Variants in SPOCK1 observed in about 807,000 individuals in gnomAD.
SPOCK1 encodes testican-1.
A neutral mutation model predicts 55.3 loss-of-function variants in SPOCK1; 23 were observed. That is an observed-to-expected ratio of 0.42 (90% CI 0.30 to 0.59). The LOEUF (loss-of-function observed/expected upper bound fraction) is 0.59. SPOCK1 is among the 20% of genes least tolerant of loss of function. The probability of loss-of-function intolerance (pLI) is 0.22; values close to 1 mark genes in which losing one functional copy is unlikely to be tolerated. For missense variants in SPOCK1, 499 were observed against 552.5 expected (o/e 0.90, Z 0.97); for synonymous variants, 226 against 221.0 (o/e 1.02, Z -0.20).
intron 3 of SPOCK1, among the ~76,000 whole-genome samples, chr5:137,168,072 T>C (rs944354703): frequency 6.6e-6 from 1 of 152,012 alleles, no homozygotes; most frequent in Non-Finnish European, 1.5e-5. Context: ...TGACAAACCT[T>C]TAGCCAGACT....
chr5:137,389,255 T>G (rs1260822173), intron 2 of SPOCK1, among the ~76,000 whole-genome samples: 1 of 152,222 alleles, frequency 6.6e-6, no homozygotes, highest in Non-Finnish European at 1.5e-5. Flanking sequence ...CAAGAACACC[T>G]TGTCCTGGTC....
chr5:137,399,101 A>T (rs1751920218), intron 2 of SPOCK1, among the ~76,000 whole-genome samples: 1 of 152,220 alleles, frequency 6.6e-6, no homozygotes, highest in African/African-American at 2.4e-5. Context: ...TATTATAATA[A>T]GCCTTTTATT....
intron 2 of SPOCK1, among the ~76,000 whole-genome samples, chr5:137,442,439 T>G (rs955371588): frequency 6.6e-6 from 1 of 152,176 alleles, no homozygotes; most frequent in Non-Finnish European, 1.5e-5. Flanking sequence ...GCTAACTTCC[T>G]TTAGTATTGT....
chr5:137,212,038 C>T lies in SPOCK1; in HGVS notation c.232+54972G>A, dbSNP rs1235365540. ...GCTGAGAAGAGGGTTATGGGAACCC[C>T]AATTTATAGCCAATCAGTCAGAAGC... On this transcript the variant is annotated intron_variant, in intron 3 of 10. Transcript: ENST00000394945. 2.6e-5 allele frequency among the ~76,000 whole-genome samples: 4 copies of T among 152,118 alleles called. No homozygotes were observed. In the South Asian group the frequency reaches 8.3e-4, roughly 32 times the overall value.
intron 4 of SPOCK1, among the ~76,000 whole-genome samples, chr5:137,132,716 C>CA (rs1212044551): frequency 3.3e-5 from 5 of 151,906 alleles, no homozygotes; most frequent in East Asian, 1.9e-4. Context: ...AAACATGGCT[C>CA]AAAAAAAAGA....
At chr5:137,087,026 T>C (rs1333046034) in intron 5 of SPOCK1, among the ~76,000 whole-genome samples, 1 of 152,204 alleles carries the variant, frequency 6.6e-6, no homozygotes, top group Non-Finnish European at 1.5e-5. Flanking sequence ...AATCAACTGC[T>C]CTTGTTATGT....
intron 2 of SPOCK1, among the ~76,000 whole-genome samples, chr5:137,322,671 A>G (rs932466241): frequency 1.3e-5 from 2 of 152,060 alleles, no homozygotes; most frequent in African/African-American, 4.8e-5. Context: ...CATAAGATAC[A>G]TAAATGAAAA....
chr5:137,303,113 C>G (rs529323393), intron 2 of SPOCK1, among the ~76,000 whole-genome samples: 19 of 152,212 alleles, frequency 1.2e-4, no homozygotes, highest in African/African-American at 4.1e-4. Context: ...TTAAAGTGTG[C>G]ACTTTTTTAA....
chr5:137,097,903 C>G (rs908454676), intron 5 of SPOCK1, among the ~76,000 whole-genome samples: 4 of 152,168 alleles, frequency 2.6e-5, no homozygotes, highest in Admixed American at 2.0e-4. Flanking sequence ...CCACCACCAT[C>G]GGGCAGAACA....
In SPOCK1 at chr5:137,399,419, C is replaced by T. The variant is rs141093784; in HGVS notation, c.186+98954G>A. Reference sequence around the variant, plus strand: ...TTGTAATTGCTTTATTGAGGTATGACTGACATACAAAAATCTGTCAGCGTT... The same window carrying T: ...TTGTAATTGCTTTATTGAGGTATGATTGACATACAAAAATCTGTCAGCGTT... On this transcript the variant is annotated intron_variant, in intron 2 of 10. Coordinates refer to ENST00000394945, the MANE Select transcript of SPOCK1 (RefSeq NM_004598.4). Among the ~76,000 whole-genome samples the T allele has an allele frequency of 3.0e-3, 455 of 151,898 alleles. 4 individuals are homozygous for T. The highest frequency in any genetic ancestry group is 0.01 in the African/African-American group (420 of 41,388).
intron 2 of SPOCK1, among the ~76,000 whole-genome samples, chr5:137,322,178 A>G (rs1230579670): frequency 6.6e-6 from 1 of 151,932 alleles, no homozygotes; most frequent in Non-Finnish European, 1.5e-5. Context: ...TAAAAAATAC[A>G]AAAATTAGCC....
rs1580932470 is a variant in SPOCK1 at position 137,447,625 on chromosome 5, CCA to C, written c.186+50746_186+50747del. On this transcript the variant is annotated intron_variant, in intron 2 of 10. Transcript: ENST00000394945. ...ATCATTCCCCCCCCCAATATATGAC[CCA>C]CACCACCACCATACCTACCACCTCT... 9.5e-3 allele frequency among the ~76,000 whole-genome samples: 11 copies of C among 1,162 alleles called. No homozygotes were observed. The Admixed American group carries it at 0.13, about 14-fold the overall frequency. 0.8% of individuals were successfully genotyped at this position (1,162 alleles called of 152,430 possible).
At chr5:137,184,575 C>T (rs1755029964) in intron 3 of SPOCK1, among the ~76,000 whole-genome samples, 1 of 152,140 alleles carries the variant, frequency 6.6e-6, no homozygotes, top group Non-Finnish European at 1.5e-5. Flanking sequence ...AAAATAAATA[C>T]CCATGTCCAT....
rs564515046 is a variant in SPOCK1 at position 137,109,482 on chromosome 5, T to C, written c.474+2953A>G. Among the ~76,000 whole-genome samples, 6 of 152,268 alleles carry C rather than the reference T, an allele frequency of 3.9e-5. No homozygotes were observed. The South Asian group carries it at 1.2e-3, about 32-fold the overall frequency. On this transcript the variant is annotated intron_variant, in intron 5 of 10. Transcript: ENST00000394945. ...AATGATGTTTTCTGAGCAGCCACTA[T>C]CTACTACACCCCATGCCTGAGCAGC...
intron 3 of SPOCK1, among the ~76,000 whole-genome samples, chr5:137,142,191 A>G (rs962566772): frequency 3.9e-5 from 6 of 152,208 alleles, no homozygotes; most frequent in African/African-American, 9.6e-5. Flanking sequence ...CAAAACTTCT[A>G]CAAGAAATGA....
chr5:137,477,756 A>C (rs896521312), intron 2 of SPOCK1, among the ~76,000 whole-genome samples: 1 of 149,996 alleles, frequency 6.7e-6, no homozygotes, highest in Non-Finnish European at 1.5e-5. Flanking sequence ...TAAGCTCCAC[A>C]TGTCAGCTCA....
At chr5:137,207,757 A>C (rs1333973441) in intron 3 of SPOCK1, among the ~76,000 whole-genome samples, 3 of 152,164 alleles carry the variant, frequency 2.0e-5, no homozygotes, top group Non-Finnish European at 4.4e-5. Flanking sequence ...AAGAGGATGC[A>C]TGTAAAGTCT....
chr5:137,226,048 C>G (rs1320246802), intron 3 of SPOCK1, among the ~76,000 whole-genome samples: 2 of 152,174 alleles, frequency 1.3e-5, no homozygotes, highest in African/African-American at 2.4e-5. Flanking sequence ...ACATCCAGAC[C>G]CAACCTAAAT....
intron 6 of SPOCK1, among the ~76,000 whole-genome samples, chr5:137,010,833 A>G (rs939916786): frequency 3.3e-5 from 5 of 152,142 alleles, no homozygotes; most frequent in Admixed American, 2.6e-4. Context: ...GATTGTTGCT[A>G]TCCCACCCTG....
Sources: gnomAD v4.1 joint callset for allele counts (sites outside exome capture counted in the v4.1 genomes callset) on GRCh38, gnomAD v4.1.1 for gene constraint, MANE v1.5 for transcripts, NCBI Gene and HGNC (gene_info 2026-07-23, HGNC 2026-07-21) for gene names.